KLHL8: variants seen among roughly 807,000 people sequenced by gnomAD.
KLHL8 encodes kelch like family member 8, also known as kelch-like protein 8.
A neutral mutation model predicts 63.5 loss-of-function variants in KLHL8; 38 were observed. The observed-to-expected ratio is 0.60, with a 90% confidence interval of 0.46 to 0.78. The LOEUF is 0.78. Ranked by LOEUF, KLHL8 falls within the 30% of genes least tolerant of loss-of-function variation. The probability of loss-of-function intolerance (pLI) is 0.00; values close to 1 mark genes in which losing one functional copy is unlikely to be tolerated. For synonymous variants in KLHL8, 224 were observed against 254.3 expected (o/e 0.88, Z 1.13); for missense variants, 566 against 752.4 (o/e 0.75, Z 2.90).
intron 1 of KLHL8, among the ~76,000 whole-genome samples, chr4:87,234,177 C>T (rs1206676786): frequency 1.1e-4 from 16 of 152,158 alleles, no homozygotes; most frequent in Non-Finnish European, 1.8e-4. Context: ...TGGTGGCTCA[C>T]GCCTGTAACC....
Position 87,185,504 on chromosome 4 carries a change from G to C in KLHL8, c.512C>G (p.Ala171Gly). The change falls in exon 3 of 10, where the codon GCA becomes GGA. Residue 171 changes from alanine (A) to glycine (G), a missense_variant. Physicochemically the swap from Ala to Gly is moderately conservative, Grantham distance 60. Transcript: ENST00000273963. ...GTGACTTTCTGCAAAGGCTCTTACTGCCAGGCAATTGGAGGGATGAAAATG... is the reference window on the plus strand; with the variant it reads ...GTGACTTTCTGCAAAGGCTCTTACTCCCAGGCAATTGGAGGGATGAAAATG... ...KLHFHPSNCL[A>G]VRAFAESHNR... The C allele has an allele frequency of 6.2e-7, 1 of 1,614,150 alleles. No homozygotes were observed. Among genetic ancestry groups the C allele is most frequent in the South Asian group, 1.1e-5 (1 of 91,080 alleles).
At chr4:87,183,739 G>A (rs897150617) in intron 3 of KLHL8, among the ~76,000 whole-genome samples, 5 of 152,114 alleles carry the variant, frequency 3.3e-5, no homozygotes, top group Non-Finnish European at 7.4e-5. Context: ...TAATCACAAG[G>A]CCCTTCTATT....
At chr4:87,219,125 A>T (rs1732719440) in intron 1 of KLHL8, among the ~76,000 whole-genome samples, 1 of 152,236 alleles carries the variant, frequency 6.6e-6, no homozygotes, top group South Asian at 2.1e-4. Flanking sequence ...AAATAAAGTG[A>T]CTAAAAGTTT....
chr4:87,179,300 G>A (rs560301663), intron 4 of KLHL8, among the ~76,000 whole-genome samples: 2 of 152,218 alleles, frequency 1.3e-5, no homozygotes, highest in East Asian at 1.9e-4. Flanking sequence ...AACAGTTCAT[G>A]CCCTCATCAC....
At chr4:87,183,533 G>C in intron 3 of KLHL8, 144 bp from the exon 4 acceptor site, 1 of 670,590 alleles carries the variant, frequency 1.5e-6, no homozygotes, top group Non-Finnish European at 2.4e-6. Flanking sequence ...TAAAACTTAA[G>C]TTGTTACTTC....
At chr4:87,239,684 A>G (rs1733294616) in intron 1 of KLHL8, among the ~76,000 whole-genome samples, 1 of 152,184 alleles carries the variant, frequency 6.6e-6, no homozygotes, top group Admixed American at 6.5e-5. Flanking sequence ...CTAACAATAC[A>G]TCCTCAGAGG....
At chr4:87,187,566 A>C (rs1731315438) in intron 2 of KLHL8, among the ~76,000 whole-genome samples, 1 of 151,976 alleles carries the variant, frequency 6.6e-6, no homozygotes, top group African/African-American at 2.4e-5. Flanking sequence ...TTCAAATTTT[A>C]TTCTCTTATA....
At chr4:87,220,621 G>A (rs943230715), upstream of KLHL8, 3 of 152,200 alleles carry the variant, frequency 2.0e-5, no homozygotes, top group South Asian at 4.1e-4. Context: ...CGGCCTCTGG[G>A]GGCGGGGCGG....
chr4:87,212,885 T>C (rs1183635416), intron 1 of KLHL8, among the ~76,000 whole-genome samples: 1 of 152,206 alleles, frequency 6.6e-6, no homozygotes, highest in Non-Finnish European at 1.5e-5. Flanking sequence ...CCACCTAGGT[T>C]TGTGTAAGTA....
chr4:87,171,305 A>G (rs1730625775), intron 6 of KLHL8, among the ~76,000 whole-genome samples: 1 of 152,222 alleles, frequency 6.6e-6, no homozygotes, highest in African/African-American at 2.4e-5. Flanking sequence ...CATCTGAGAC[A>G]TAGATGGATA....
chr4:87,235,309 C>A (rs1303419328), intron 1 of KLHL8, among the ~76,000 whole-genome samples: 1 of 152,120 alleles, frequency 6.6e-6, no homozygotes, highest in East Asian at 1.9e-4. Context: ...ACCTTTCCTA[C>A]GTTTAGGTAC....
chr4:87,227,511 G>A (rs769958785), intron 1 of KLHL8, among the ~76,000 whole-genome samples: 1 of 152,162 alleles, frequency 6.6e-6, no homozygotes, highest in Non-Finnish European at 1.5e-5. Context: ...TTAGCCAGTG[G>A]TGTTGGTATG....
chr4:87,165,125 G>C (rs1442118797), intron 8 of KLHL8, among the ~76,000 whole-genome samples: 5 of 144,772 alleles, frequency 3.5e-5, no homozygotes, highest in Non-Finnish European at 6.0e-5. Context: ...ACTCCAGCCT[G>C]GGCGACAGAG....
upstream of KLHL8, among the ~76,000 whole-genome samples, chr4:87,224,685 A>C (rs1052513587): frequency 2.6e-5 from 4 of 152,098 alleles, no homozygotes; most frequent in East Asian, 7.7e-4. Flanking sequence ...TTACTGTGGC[A>C]CTTCAGCTTC....
chr4:87,173,270 T>C (rs1730699820), intron 6 of KLHL8, among the ~76,000 whole-genome samples: 1 of 152,236 alleles, frequency 6.6e-6, no homozygotes, highest in Non-Finnish European at 1.5e-5. Context: ...GCTAATATTA[T>C]TGCCCTTATG....
chr4:87,206,671 T>C (rs987370931), intron 1 of KLHL8, among the ~76,000 whole-genome samples: 1 of 152,230 alleles, frequency 6.6e-6, no homozygotes, highest in African/African-American at 2.4e-5. Context: ...GATTTAATTA[T>C]TCAGTTTTCC....
chr4:87,171,499 C>T (rs1487379699), intron 6 of KLHL8, among the ~76,000 whole-genome samples: 1 of 152,138 alleles, frequency 6.6e-6, no homozygotes, highest in Non-Finnish European at 1.5e-5. Flanking sequence ...CTTTCAAGCT[C>T]CTCAACCTCT....
At chr4:87,191,229 G>A (rs1731472989) in intron 2 of KLHL8, among the ~76,000 whole-genome samples, 1 of 152,202 alleles carries the variant, frequency 6.6e-6, no homozygotes, top group Non-Finnish European at 1.5e-5. Flanking sequence ...AGCAGTTTGG[G>A]AGGCTGAGGC....
At chr4:87,237,503 C>A (rs766893028) in intron 1 of KLHL8, among the ~76,000 whole-genome samples, 6 of 152,072 alleles carry the variant, frequency 3.9e-5, no homozygotes, top group Admixed American at 1.3e-4. Context: ...GAAGTCTTAA[C>A]AAACAACATA....
Sources: gnomAD v4.1 joint callset for allele counts (sites outside exome capture counted in the v4.1 genomes callset) on GRCh38, gnomAD v4.1.1 for gene constraint, MANE v1.5 for transcripts, NCBI Gene and HGNC (gene_info 2026-07-23, HGNC 2026-07-21) for gene names.